The following CYP4F12 variants were observed in gnomAD, a reference collection of about 807,000 sequenced individuals.
The protein encoded by CYP4F12 is cytochrome P450 4F12.
CYP4F12 carries 60 observed loss-of-function variants against 56.5 expected under a neutral mutation model. That is an observed-to-expected ratio of 1.06 (90% CI 0.86 to 1.32). CYP4F12 has a LOEUF of 1.32. Ranked by LOEUF, CYP4F12 falls within the 40% of genes most tolerant of loss-of-function variation. The pLI, the probability that CYP4F12 is intolerant of heterozygous loss-of-function variation, is 0.00. For synonymous variants in CYP4F12, 263 were observed against 264.9 expected (o/e 0.99, Z 0.07); for missense variants, 711 against 683.5 (o/e 1.04, Z -0.45).
Position 15,680,263 on chromosome 19 carries a change from T to A in CYP4F12, c.363T>A (p.Asp121Glu). The change falls in exon 4 of 13, where the codon GAT becomes GAA. Residue 121 changes from aspartate to glutamate, a missense_variant. Coordinates refer to ENST00000550308, the MANE Select transcript of CYP4F12 (RefSeq NM_023944.4). ...TGTCAGCTGCCATTGCACCCAAGGA[T>A]AATCTCTTCATCAGGTTCCTGAAGC... Reference protein sequence around the residue: ...TNASAAIAPKDNLFIRFLKPW... With the variant: ...TNASAAIAPKENLFIRFLKPW... 6.2e-7 allele frequency: 1 copy of A among 1,608,524 alleles called. No individual in the cohort carries two copies. The highest frequency in any genetic ancestry group is 8.5e-7 in the Non-Finnish European group (1 of 1,176,882).
chr19:15,683,813 C>G (rs2144733761), intron 7 of CYP4F12, 50 bp downstream of exon 7: 1 of 1,488,044 alleles, frequency 6.7e-7, no homozygotes, highest in Middle Eastern at 1.8e-4. Flanking sequence ...AGCTTCATGT[C>G]AAATGTCAGG....
intron 9 of CYP4F12, among the ~76,000 whole-genome samples, chr19:15,690,012 A>G (rs908723866): frequency 1.3e-5 from 2 of 152,196 alleles, no homozygotes; most frequent in Non-Finnish European, 1.5e-5. Flanking sequence ...TATACACTGC[A>G]TGGGTGATGG....
At chr19:15,678,492 T>C (rs66653728) in intron 3 of CYP4F12, 87 bp downstream of exon 3, 1,412,820 of 1,520,464 alleles carry the variant, frequency 0.93, 656,702 homozygotes, top group East Asian at 1. Flanking sequence ...TGAGTACTCG[T>C]GCCCCTCATT....
intron 5 of CYP4F12, chr19:15,681,348 C>T (rs2007289022): frequency 6.6e-6 from 1 of 152,174 alleles, no homozygotes; most frequent in African/African-American, 2.4e-5. Context: ...AATTGGGGGT[C>T]AGGATTTTGT....
chr19:15,690,356 GCT>G (rs2007815652), intron 9 of CYP4F12, among the ~76,000 whole-genome samples: 1 of 152,228 alleles, frequency 6.6e-6, no homozygotes, highest in Admixed American at 6.5e-5. Context: ...TTTGAAATTT[GCT>G]CTCTTAGCAA....
intron 3 of CYP4F12, among the ~76,000 whole-genome samples, chr19:15,679,605 G>A (rs942628293): frequency 3.3e-5 from 5 of 152,178 alleles, no homozygotes; most frequent in Non-Finnish European, 7.3e-5. Flanking sequence ...AGACTTTCTG[G>A]TTCTTCTCTG....
At chr19:15,686,506 G>T (rs1195125614) in intron 9 of CYP4F12, among the ~76,000 whole-genome samples, 2 of 151,954 alleles carry the variant, frequency 1.3e-5, no homozygotes, top group Non-Finnish European at 2.9e-5. Flanking sequence ...GAAAAGTGAG[G>T]GAGAGCAAGA....
At chr19:15,678,191 C>T (rs1568415251) in intron 2 of CYP4F12, 70 bp from the exon 3 acceptor site, 1 of 1,589,556 alleles carries the variant, frequency 6.3e-7, no homozygotes, top group Admixed American at 1.7e-5. Context: ...TCTGGGCATC[C>T]CTTAGCCCAG....
chr19:15,687,486 T>C (rs1463309248), intron 9 of CYP4F12, among the ~76,000 whole-genome samples: 1 of 152,132 alleles, frequency 6.6e-6, no homozygotes, highest in Non-Finnish European at 1.5e-5. Context: ...GCCTCTCCCA[T>C]GTGGAAGGAC....
rs775486184 is a variant in CYP4F12, at chr19:15,683,481, C to T, written c.648-12C>T. The stretch of plus-strand genomic sequence containing the variant: ...TTACATTGTTGCCTCCCTTTCTGCC[C>T]TTGCTCTGCAGGAGGCCCAGTGAAT... On this transcript the variant is annotated splice_polypyrimidine_tract_variant and intron_variant, in intron 6 of 12. Transcript: ENST00000550308. 7.6e-6 allele frequency: 12 copies of T among 1,577,492 alleles called. No homozygotes were observed. The Admixed American group carries it at 1.3e-4, about 17-fold the overall frequency.
intron 9 of CYP4F12, among the ~76,000 whole-genome samples, chr19:15,686,523 G>A (rs893133611): frequency 1.3e-5 from 2 of 152,180 alleles, no homozygotes; most frequent in African/African-American, 4.8e-5. Flanking sequence ...AAGATAAAGA[G>A]AGGAGGGAAG....
Position 15,673,718 on chromosome 19 carries a change from C to T in CYP4F12, c.189C>T (p.His63=), listed in dbSNP as rs572413089. 9.9e-6 allele frequency: 16 copies of T among 1,614,030 alleles called. No homozygotes were observed. The highest frequency in any genetic ancestry group is 2.7e-5 in the African/African-American group (2 of 75,042). Residue 63 remains histidine, a synonymous_variant, in exon 2 of 13, where the codon CAC becomes CAT. Transcript: ENST00000550308. ...QPPKRNWFWG[H]LGLITPTEEG... Reference sequence around the variant, plus strand: ...CAAAACGGAACTGGTTTTGGGGTCACCTGGGCCTGGTGAGTGTGACAGCAA... The same window carrying T: ...CAAAACGGAACTGGTTTTGGGGTCATCTGGGCCTGGTGAGTGTGACAGCAA...
At chr19:15,680,360 C>A in intron 4 of CYP4F12, 32 bp from the exon 5 acceptor site, 14 of 1,613,936 alleles carry the variant, frequency 8.7e-6, no homozygotes, top group Non-Finnish European at 1.2e-5. Flanking sequence ...GGAAGTGCTG[C>A]TCTTGCCCAC....
chr19:15,690,697 A>C (rs1294100927), intron 9 of CYP4F12, among the ~76,000 whole-genome samples: 1 of 152,200 alleles, frequency 6.6e-6, no homozygotes, highest in Non-Finnish European at 1.5e-5. Context: ...TTTTGTATAT[A>C]TACACCACAC....
rs146012868 is a variant in CYP4F12 at position 15,689,143 on chromosome 19, A to AATAATAATAATAATAATC, written c.1115+3949_1115+3950insATAATAATAATAATCATA. ...TGCACAACAAAATAATAATAATAAT[A>AATAATAATAATAATAATC]ATAGCCGACTTAACAGACAACCTAC... is the stretch of plus-strand genomic sequence containing the variant. On this transcript the variant is annotated intron_variant, in intron 9 of 12. Coordinates refer to ENST00000550308, the MANE Select transcript of CYP4F12 (RefSeq NM_023944.4). Among the ~76,000 whole-genome samples, 1,408 of 150,742 alleles carry AATAATAATAATAATAATC rather than the reference A, an allele frequency of 9.3e-3. 1 individual carries two copies. Among genetic ancestry groups the AATAATAATAATAATAATC allele is most frequent in the African/African-American group, 0.033 (1,353 of 40,856 alleles).
At chr19:15,684,033 T>C (rs629748) in intron 7 of CYP4F12, 4,314 of 273,886 alleles carry the variant, frequency 0.016, 40 homozygotes, top group African/African-American at 0.089. Context: ...TATATGTCTA[T>C]GTCTTTGTCT....
intron 9 of CYP4F12, among the ~76,000 whole-genome samples, chr19:15,686,627 A>G (rs1288852811): frequency 6.6e-6 from 1 of 152,228 alleles, no homozygotes; most frequent in African/African-American, 2.4e-5. Flanking sequence ...GCTGTGGAAA[A>G]TATGGGAAAA....
Position 15,683,351 on chromosome 19 carries a change from T to A in CYP4F12, c.648-142T>A, listed in dbSNP as rs186544507. 1.2e-5 allele frequency: 10 copies of A among 864,424 alleles called. No homozygotes were observed. The African/African-American group carries it at 1.2e-4, about 10-fold the overall frequency. 53.5% of individuals were successfully genotyped at this position (864,424 alleles called of 1,614,324 possible). On this transcript the variant is annotated intron_variant, in intron 6 of 12. Coordinates refer to ENST00000550308, the MANE Select transcript of CYP4F12 (RefSeq NM_023944.4). Reference sequence around the variant, plus strand: ...TCTAGAGAGTCAGTCTCATGACTGATACCCACCATGTATCTCTAGGACCAT... The same window carrying A: ...TCTAGAGAGTCAGTCTCATGACTGAAACCCACCATGTATCTCTAGGACCAT...
rs760721349 is a variant in CYP4F12, at chr19:15,685,176, G to A, written c.1094G>A (p.Arg365His). 1.9e-5 allele frequency: 31 copies of A among 1,613,990 alleles called. No individual in the cohort carries two copies. The highest frequency in any genetic ancestry group is 2.5e-5 in the Non-Finnish European group (30 of 1,179,976). Reference protein sequence around the residue: ...RQEVQELLKDRDPKEIEWDDL... With the variant: ...RQEVQELLKDHDPKEIEWDDL... ...GAGGTGCAAGAGCTTCTGAAGGACC[G>A]CGATCCTAAAGAGATTGAATGGTGA... The change falls in exon 9 of 13, where the codon CGC becomes CAC. Residue 365 changes from arginine (R) to histidine (H), a missense_variant. Transcript: ENST00000550308.
Sources: gnomAD v4.1 joint callset for allele counts (sites outside exome capture counted in the v4.1 genomes callset) on GRCh38, gnomAD v4.1.1 for gene constraint, MANE v1.5 for transcripts, NCBI Gene and HGNC (gene_info 2026-07-23, HGNC 2026-07-21) for gene names.